Variants in PDE4A observed in about 807,000 individuals in gnomAD.
PDE4A encodes the protein 3',5'-cyclic-AMP phosphodiesterase 4A.
PDE4A carries 21 observed loss-of-function variants against 73.9 expected under a neutral mutation model. That is an observed-to-expected ratio of 0.28 (90% confidence interval 0.20 to 0.41). The LOEUF (loss-of-function observed/expected upper bound fraction) is 0.41, where lower values mean the gene tolerates loss of function less well. Among genes scored for constraint, PDE4A ranks in the 10% least tolerant of loss-of-function variants. The pLI is 1.00. For missense variants in PDE4A, 958 were observed against 1,211.4 expected (o/e 0.79, Z 3.10); for synonymous variants, 463 against 505.4 (o/e 0.92, Z 1.13).
chr19:10,444,382 C>T (rs1356099873), intron 1 of PDE4A, among the ~76,000 whole-genome samples: 1 of 151,858 alleles, frequency 6.6e-6, no homozygotes, highest in Admixed American at 6.6e-5. Context: ...CCTGTAATCC[C>T]AGCTACTCGG....
At position 10,449,123 on chromosome 19, in the gene PDE4A, T is replaced by C; in HGVS notation, c.593T>C (p.Leu198Pro). 1 of 1,613,750 alleles carries C rather than the reference T, an allele frequency of 6.2e-7. No individual in the cohort carries two copies. Among genetic ancestry groups the C allele is most frequent in the Non-Finnish European group, 8.5e-7 (1 of 1,179,824 alleles). Residue 198 changes from leucine (L) to proline (P), a missense_variant, in exon 4 of 15, where the codon CTG (leucine) becomes CCG (proline). Physicochemically the swap from Leu to Pro is moderately conservative, Grantham distance 98. Transcript: ENST00000380702. ...AGCGTCCGTAGCAACTTCTCACTCC[T>C]GACCAATGTGCCCGTTCCCAGTAAC... ...LRSVRSNFSL[L>P]TNVPVPSNKR...
At position 10,453,388 on chromosome 19, in the gene PDE4A, G is replaced by A; in HGVS notation, c.784-1441G>A. The stretch of plus-strand genomic sequence containing the variant: ...TCCTGGTGAGCTGGGCCCCCGGTGT[G>A]GGCTTGTGTGTGCAGCTGTGCACGT... On this transcript the variant is annotated intron_variant, in intron 6 of 14. Coordinates refer to ENST00000380702, the MANE Select transcript of PDE4A (RefSeq NM_001111307.2). The surrounding 1 kb of genome is among the most constrained non-coding windows in gnomAD (Gnocchi z 4.6). 6.4e-7 allele frequency: 1 copy of A among 1,569,814 alleles called. No individual in the cohort carries two copies. The highest frequency in any genetic ancestry group is 2.3e-5 in the East Asian group (1 of 43,724).
intron 1 of PDE4A, among the ~76,000 whole-genome samples, chr19:10,425,713 C>A (rs887142554): frequency 2.4e-4 from 36 of 151,986 alleles, no homozygotes; most frequent in African/African-American, 8.7e-4. Context: ...TGGCTGGGCG[C>A]GGTGGCTCAT....
chr19:10,463,753 A>G (rs372211027), intron 13 of PDE4A, 40 bp from the exon 14 acceptor site: 4 of 1,609,420 alleles, frequency 2.5e-6, no homozygotes, highest in Non-Finnish European at 3.4e-6. Flanking sequence ...GGACACAGGC[A>G]TAGCCTCTGA....
At chr19:10,427,578 G>C (rs930912531) in intron 1 of PDE4A, 1 of 985,292 alleles carries the variant, frequency 1.0e-6, no homozygotes, top group African/African-American at 1.7e-5. Flanking sequence ...AGCATCATTG[G>C]GCTGGAAGGA....
intron 1 of PDE4A, among the ~76,000 whole-genome samples, chr19:10,444,036 T>C (rs1377994931): frequency 6.6e-6 from 1 of 150,852 alleles, no homozygotes; most frequent in African/African-American, 2.4e-5. Context: ...ATATAGATTA[T>C]GTCAAGTAAG....
chr19:10,441,681 G>GTTTTTTTTTTT (rs1200442230), intron 1 of PDE4A, among the ~76,000 whole-genome samples: 1 of 131,742 alleles, frequency 7.6e-6, no homozygotes, highest in East Asian at 2.1e-4. Context: ...GTCATTTTGA[G>GTTTTTTTTTTT]TTATTTTTTT....
upstream of PDE4A, among the ~76,000 whole-genome samples, chr19:10,418,389 C>T (rs934400111): frequency 6.6e-6 from 1 of 152,150 alleles, no homozygotes; most frequent in African/African-American, 2.4e-5. Context: ...ACTCAACCCC[C>T]CTCTTGGCTC....
At chr19:10,418,413 A>C (rs1040389285), upstream of PDE4A, among the ~76,000 whole-genome samples, 1 of 152,030 alleles carries the variant, frequency 6.6e-6, no homozygotes, top group Non-Finnish European at 1.5e-5. Context: ...AATGAGCTGG[A>C]AAGTCAGACA....
chr19:10,418,165 G>A (rs2042606348), upstream of PDE4A, among the ~76,000 whole-genome samples: 1 of 152,230 alleles, frequency 6.6e-6, no homozygotes, highest in African/African-American at 2.4e-5. Flanking sequence ...AGGTTGATCA[G>A]GCGGCTGTGC....
At chr19:10,462,663 C>T (rs1178750335) in intron 13 of PDE4A, among the ~76,000 whole-genome samples, 1 of 151,968 alleles carries the variant, frequency 6.6e-6, no homozygotes, top group Admixed American at 6.6e-5. Context: ...TTTCCAATCC[C>T]ATCTCTCCTT....
Position 10,458,164 on chromosome 19 carries a change from A to C in PDE4A, c.1101+62A>C. 1 of 1,503,382 alleles carries C rather than the reference A, an allele frequency of 6.7e-7. No homozygotes were observed. Among genetic ancestry groups the C allele is most frequent in the South Asian group, 1.1e-5 (1 of 87,916 alleles). The allele number at this position is 1,503,382 out of a possible 1,614,324, so 93.1% of individuals were successfully genotyped here. A position where few individuals can be genotyped will look rare whatever the true frequency, so the allele number is the denominator to read the frequency against. ...GTGGTCTCCTGGGACCCTGAGAAGG[A>C]CTGGGCATTGGGTTATGTCTTAGGC... is the stretch of plus-strand genomic sequence containing the variant. On this transcript the variant is annotated intron_variant, in intron 8 of 14. Transcript: ENST00000380702. This position sits in a 1 kb window ranked among gnomAD's most constrained non-coding sequence, Gnocchi z 4.6.
At chr19:10,456,540 T>A (rs376649572) in intron 7 of PDE4A, among the ~76,000 whole-genome samples, 6,131 of 149,486 alleles carry the variant, frequency 0.041, 171 homozygotes, top group Middle Eastern at 0.062. Context: ...AAAAAATAAA[T>A]AAATAAATAA....
In PDE4A at chr19:10,467,239, C is replaced by T. The variant is rs776703872; in HGVS notation, c.2279C>T (p.Ser760Leu). 22 of 1,613,994 alleles carry T rather than the reference C, an allele frequency of 1.4e-5. No individual in the cohort carries two copies. The highest frequency in any genetic ancestry group is 1.7e-5 in the Non-Finnish European group (20 of 1,180,028). ...TGGGAGGCATCCCCGGCCCAGGAGT[C>T]GTTGGAAGTTATGGCACAGGAAGCA... Reference protein sequence around the residue: ...IAWEASPAQESLEVMAQEASL... With the variant: ...IAWEASPAQELLEVMAQEASL... Residue 760 changes from serine (S) to leucine (L), a missense_variant, in exon 15 of 15, where the codon TCG becomes TTG. By Grantham distance (145) the Ser-to-Leu change is moderately radical (BLOSUM62 -2). This residue lies in a region of PDE4A where 243 missense variants were observed against 245.9 expected (regional missense o/e 0.99). Coordinates refer to ENST00000380702, the MANE Select transcript of PDE4A (RefSeq NM_001111307.2).
At chr19:10,416,974 C>T (rs1296110416), upstream of PDE4A, 1 of 1,543,476 alleles carries the variant, frequency 6.5e-7, no homozygotes, top group African/African-American at 1.4e-5. Context: ...CTGTCCGTGG[C>T]AGGGACCGGG....
intron 1 of PDE4A, among the ~76,000 whole-genome samples, chr19:10,440,899 ATTTT>A (rs59011127): frequency 7.6e-6 from 1 of 131,358 alleles, no homozygotes; most frequent in Admixed American, 7.6e-5. Flanking sequence ...CGCCCAGCCA[ATTTT>A]TTTTTTTTTT....
At chr19:10,448,990 G>C (rs750465797) in intron 3 of PDE4A, 37 bp downstream of exon 3, 3 of 1,612,042 alleles carry the variant, frequency 1.9e-6, no homozygotes, top group Non-Finnish European at 2.5e-6. Context: ...GAGAGAAGGG[G>C]CTCCAATGCT....
upstream of PDE4A, chr19:10,416,929 G>A (rs775300678): frequency 1.3e-6 from 2 of 1,540,464 alleles, no homozygotes; most frequent in Non-Finnish European, 1.7e-6. Context: ...CCAACGGCGC[G>A]CTAGGTTGGC....
chr19:10,446,736 A>G (rs985139152), intron 2 of PDE4A, among the ~76,000 whole-genome samples: 1 of 152,124 alleles, frequency 6.6e-6, no homozygotes, highest in Non-Finnish European at 1.5e-5. Context: ...CTGGGACTAC[A>G]GGCACCAGCC....
Sources: gnomAD v4.1 joint callset for allele counts (sites outside exome capture counted in the v4.1 genomes callset) on GRCh38, gnomAD v4.1.1 for gene constraint, gnomAD v4.1.1 regional missense constraint, Gnocchi (gnomAD v3.1) non-coding constraint, MANE v1.5 for transcripts, NCBI Gene and HGNC (gene_info 2026-07-23, HGNC 2026-07-21) for gene names.